The following ABLIM3 variants were observed in gnomAD, a reference collection of about 807,000 sequenced individuals.
The protein encoded by ABLIM3 is actin-binding LIM protein 3.
ABLIM3 carries 61 observed loss-of-function variants against 109.5 expected under a neutral mutation model. That is an observed-to-expected ratio of 0.56 (90% CI 0.45 to 0.69). ABLIM3 has a LOEUF of 0.69. Among genes scored for constraint, ABLIM3 ranks in the 30% least tolerant of loss-of-function variants. The probability of loss-of-function intolerance (pLI) is 0.00; values close to 1 mark genes in which losing one functional copy is unlikely to be tolerated. For missense variants in ABLIM3, 796 were observed against 889.5 expected (o/e 0.89, Z 1.34); for synonymous variants, 300 against 324.8 (o/e 0.92, Z 0.82).
At chr5:149,224,464 G>A (rs1438532591) in intron 8 of ABLIM3, among the ~76,000 whole-genome samples, 2 of 152,040 alleles carry the variant, frequency 1.3e-5, no homozygotes, top group South Asian at 2.1e-4. Flanking sequence ...CACTTCTCCC[G>A]AGGTGCCCTT....
chr5:149,181,088 G>A (rs554253475), intron 2 of ABLIM3, among the ~76,000 whole-genome samples: 2 of 152,302 alleles, frequency 1.3e-5, no homozygotes, highest in East Asian at 3.9e-4. Context: ...GATGATGATT[G>A]TACTATTCGT....
intron 2 of ABLIM3, among the ~76,000 whole-genome samples, chr5:149,169,860 G>A (rs536973790): frequency 6.6e-6 from 1 of 152,182 alleles, no homozygotes; most frequent in African/African-American, 2.4e-5. Flanking sequence ...GTCCTGAAAT[G>A]TTTGTTTAAT....
intron 7 of ABLIM3, 57 bp downstream of exon 7, chr5:149,210,876 G>C: frequency 6.6e-7 from 1 of 1,509,622 alleles, no homozygotes; most frequent in Admixed American, 1.7e-5. Context: ...CCTCCAAAAA[G>C]TCATCACAGA....
At chr5:149,228,542 A>G (rs1040162532) in intron 8 of ABLIM3, among the ~76,000 whole-genome samples, 1 of 152,204 alleles carries the variant, frequency 6.6e-6, no homozygotes, top group Non-Finnish European at 1.5e-5. Flanking sequence ...CTTCACCATG[A>G]TGTTATCCTT....
intron 2 of ABLIM3, among the ~76,000 whole-genome samples, chr5:149,156,075 G>A (rs1561536647): frequency 6.6e-6 from 1 of 152,262 alleles, no homozygotes; most frequent in Non-Finnish European, 1.5e-5. Context: ...GGGAGAATGA[G>A]CTCCCAGTTG....
Position 149,237,486 on chromosome 5 carries a change from G to A in ABLIM3, c.927G>A (p.Leu309=). ...ATGAGATCCTTAATTACAAAGACCT[G>A]GCGGCTCTCCCCAAGGTTAAGTCTA... The part of the protein sequence containing the change: ...VDNEILNYKD[L]AALPKVKSIY... The change falls in exon 11 of 24, where the codon CTG becomes CTA. Residue 309 remains leucine, a synonymous_variant. Transcript: ENST00000309868. The A allele has an allele frequency of 6.2e-7, 1 of 1,614,116 alleles. No individual in the cohort carries two copies. Among genetic ancestry groups the A allele is most frequent in the Non-Finnish European group, 8.5e-7 (1 of 1,180,034 alleles).
At chr5:149,209,311 C>T (rs1309165835) in intron 6 of ABLIM3, among the ~76,000 whole-genome samples, 1 of 152,216 alleles carries the variant, frequency 6.6e-6, no homozygotes, top group African/African-American at 2.4e-5. Flanking sequence ...CCTTACCTGG[C>T]TGCTGGCAGA....
At chr5:149,233,326 A>C in intron 10 of ABLIM3, 26 bp downstream of exon 10, 2 of 1,609,778 alleles carry the variant, frequency 1.2e-6, no homozygotes, top group Non-Finnish European at 8.5e-7. Flanking sequence ...CTACCACCAA[A>C]GGGCCTTCTT....
chr5:149,208,724 G>A (rs1245228032), intron 6 of ABLIM3, among the ~76,000 whole-genome samples: 2 of 152,212 alleles, frequency 1.3e-5, no homozygotes, highest in Non-Finnish European at 2.9e-5. Context: ...ACTGGGAAGG[G>A]GTGGCTTCCA....
At chr5:149,172,979 C>A (rs1412671653) in intron 2 of ABLIM3, among the ~76,000 whole-genome samples, 1 of 152,130 alleles carries the variant, frequency 6.6e-6, no homozygotes, top group Non-Finnish European at 1.5e-5. Context: ...GATTCTCTCT[C>A]CCAAGGAAGA....
intron 8 of ABLIM3, among the ~76,000 whole-genome samples, chr5:149,229,009 G>A (rs1202222909): frequency 6.6e-6 from 1 of 152,124 alleles, no homozygotes; most frequent in Non-Finnish European, 1.5e-5. Flanking sequence ...GACCTCCTCA[G>A]ACCTCTGTGT....
Position 149,240,806 on chromosome 5 carries a change from G to A in ABLIM3, c.1303+32G>A, listed in dbSNP as rs775188077. On this transcript the variant is annotated intron_variant, in intron 14 of 23. Coordinates refer to ENST00000309868, the MANE Select transcript of ABLIM3 (RefSeq NM_014945.5). ...ACTGCCAGCCCAGAATTCCTGGGAT[G>A]GATGCATGCTCCATGGGGTCACAGG... The A allele has an allele frequency of 4.4e-6, 7 of 1,590,598 alleles. No individual in the cohort carries two copies. In the South Asian group the frequency reaches 7.7e-5, roughly 18 times the overall value.
chr5:149,243,035 G>A (rs1354152325), intron 15 of ABLIM3, among the ~76,000 whole-genome samples: 1 of 152,242 alleles, frequency 6.6e-6, no homozygotes, highest in Non-Finnish European at 1.5e-5. Context: ...AGTCTCCTGA[G>A]AGTGGATGGA....
intron 5 of ABLIM3, among the ~76,000 whole-genome samples, chr5:149,201,955 C>G (rs1272611705): frequency 6.6e-6 from 1 of 152,250 alleles, no homozygotes; most frequent in Non-Finnish European, 1.5e-5. Context: ...ATCTTCCTCA[C>G]AGGAGCGTTG....
chr5:149,161,314 G>T (rs1391545172), intron 2 of ABLIM3, among the ~76,000 whole-genome samples: 1 of 152,176 alleles, frequency 6.6e-6, no homozygotes, highest in Non-Finnish European at 1.5e-5. Flanking sequence ...AGAATGATCC[G>T]GGAAAGACTT....
intron 2 of ABLIM3, among the ~76,000 whole-genome samples, chr5:149,170,270 C>CT (rs1755279380): frequency 1.3e-5 from 2 of 150,166 alleles, no homozygotes; most frequent in South Asian, 2.1e-4. Flanking sequence ...CTCTCCTTCT[C>CT]CCTCTCTCTC....
chr5:149,180,121 T>A (rs1373798400), intron 2 of ABLIM3, among the ~76,000 whole-genome samples: 1 of 152,232 alleles, frequency 6.6e-6, no homozygotes, highest in Non-Finnish European at 1.5e-5. Context: ...TGGTCTCAAA[T>A]GTTGCTCTCA....
At chr5:149,177,200 G>A (rs531270572) in intron 2 of ABLIM3, 2 of 152,386 alleles carry the variant, frequency 1.3e-5, no homozygotes, top group South Asian at 4.1e-4. Flanking sequence ...ACAATCTCGT[G>A]TATACGAATA....
At chr5:149,258,194 C>T (rs999562456) in intron 23 of ABLIM3, 97 bp from the exon 24 acceptor site, 27 of 1,058,856 alleles carry the variant, frequency 2.5e-5, no homozygotes, top group Non-Finnish European at 3.8e-5. Context: ...AGGGAACATG[C>T]AGCACCCACT....
Sources: allele counts gnomAD v4.1 joint callset (sites outside exome capture counted in the v4.1 genomes callset), GRCh38; gene constraint gnomAD v4.1.1; transcripts MANE v1.5; gene names NCBI Gene and HGNC (gene_info 2026-07-23, HGNC 2026-07-21).